The following GLT1D1 variants were observed in gnomAD, a reference collection of about 807,000 sequenced individuals.
The protein encoded by GLT1D1 is glycosyltransferase 1 domain containing 1, also known as glycosyltransferase 1 domain-containing protein 1.
A neutral mutation model predicts 28.7 loss-of-function variants in GLT1D1; 21 were observed. The ratio of observed to expected loss-of-function variants is 0.73; its 90% CI spans 0.52 to 1.05. GLT1D1 has a LOEUF of 1.05. Ranked by LOEUF, GLT1D1 falls within the 50% of genes least tolerant of loss-of-function variation. The pLI, the probability that GLT1D1 is intolerant of heterozygous loss-of-function variation, is 0.00. For missense variants in GLT1D1, 343 were observed against 330.6 expected (o/e 1.04, Z -0.29); for synonymous variants, 147 against 124.8 (o/e 1.18, Z -1.19).
intron 4 of GLT1D1, among the ~76,000 whole-genome samples, chr12:128,901,589 ACAACG>A (rs1365046931): frequency 6.6e-6 from 1 of 150,708 alleles, no homozygotes; most frequent in East Asian, 2.0e-4. Flanking sequence ...GGCGCCCACC[ACAACG>A]CCCTGCTAAT....
intron 7 of GLT1D1, among the ~76,000 whole-genome samples, chr12:128,975,533 C>T (rs912224825): frequency 6.6e-6 from 1 of 152,186 alleles, no homozygotes; most frequent in African/African-American, 2.4e-5. Flanking sequence ...TCACTGCAAC[C>T]TCCAGGTCCC....
At chr12:128,860,532 G>A (rs1956332501) in intron 1 of GLT1D1, among the ~76,000 whole-genome samples, 1 of 152,228 alleles carries the variant, frequency 6.6e-6, no homozygotes, top group Admixed American at 6.5e-5. Flanking sequence ...TGACCAAGAA[G>A]TCAGGGAGCC....
intron 2 of GLT1D1, among the ~76,000 whole-genome samples, chr12:128,879,403 T>TTTCC (rs1956961663): frequency 1.1e-5 from 1 of 90,394 alleles, no homozygotes; most frequent in Non-Finnish European, 2.1e-5. Context: ...TCTTTCTTTC[T>TTTCC]TTCTTTCTTT....
rs1454568201 is a variant in GLT1D1 at position 128,853,635 on chromosome 12, G to A, written c.54G>A (p.Thr18=). The change falls in exon 1 of 8, where the codon ACG becomes ACA. Residue 18 remains threonine, a synonymous_variant. Coordinates refer to ENST00000281703, the MANE Select transcript of GLT1D1 (RefSeq NM_144669.3). Reference sequence around the variant, plus strand: ...GGCCACACACCGGCAACGCGGTCACGGCCCAGCGCGTTCGGTAGGTGCAGG... The same window carrying A: ...GGCCACACACCGGCAACGCGGTCACAGCCCAGCGCGTTCGGTAGGTGCAGG... 2 of 1,168,968 alleles carry A rather than the reference G, an allele frequency of 1.7e-6. No individual in the cohort carries two copies. The highest frequency in any genetic ancestry group is 1.6e-5 in the African/African-American group (1 of 60,920). 72.4% of individuals were successfully genotyped at this position (1,168,968 alleles called of 1,614,324 possible).
chr12:128,912,077 T>G (rs1015322840), intron 4 of GLT1D1, among the ~76,000 whole-genome samples: 1 of 152,146 alleles, frequency 6.6e-6, no homozygotes, highest in African/African-American at 2.4e-5. Context: ...GGGAGCTGCA[T>G]CAGCTGGGCC....
At chr12:128,977,400 T>G in intron 7 of GLT1D1, among the ~76,000 whole-genome samples, 1 of 152,334 alleles carries the variant, frequency 6.6e-6, no homozygotes, top group East Asian at 1.9e-4. Context: ...GAGCCAGCGT[T>G]GGCACACCTG....
intron 7 of GLT1D1, among the ~76,000 whole-genome samples, chr12:128,959,170 G>A (rs576781196): frequency 1.1e-4 from 17 of 151,736 alleles, no homozygotes; most frequent in Admixed American, 2.6e-4. Context: ...TAGGTTTTAC[G>A]CCTAACCATC....
chr12:128,853,619 C>T lies in GLT1D1; in HGVS notation c.38C>T (p.Thr13Ile). 8.5e-7 allele frequency: 1 copy of T among 1,181,940 alleles called. No individual in the cohort carries two copies. The allele number at this position is 1,181,940 out of a possible 1,614,324, so 73.2% of individuals were successfully genotyped here. Residue 13 changes from threonine to isoleucine, a missense_variant, in exon 1 of 8, where the codon ACC (threonine) becomes ATC (isoleucine). Physicochemically the swap from Thr to Ile is moderately conservative, Grantham distance 89 (BLOSUM62 -1). Transcript: ENST00000281703. ...TTCCTGGCGGTGCTGCGGCCACACACCGGCAACGCGGTCACGGCCCAGCGC... is the reference window on the plus strand; with the variant it reads ...TTCCTGGCGGTGCTGCGGCCACACATCGGCAACGCGGTCACGGCCCAGCGC...
chr12:128,895,708 C>T (rs372575119), intron 3 of GLT1D1, among the ~76,000 whole-genome samples: 3 of 152,196 alleles, frequency 2.0e-5, no homozygotes. Flanking sequence ...ATCCTCCCCC[C>T]TCGGCCTCCC....
intron 1 of GLT1D1, among the ~76,000 whole-genome samples, chr12:128,855,830 G>A (rs1351163293): frequency 1.5e-5 from 2 of 136,890 alleles, no homozygotes; most frequent in Non-Finnish European, 3.0e-5. Flanking sequence ...TCAGCTCACT[G>A]CAACCTCTGC....
intron 4 of GLT1D1, among the ~76,000 whole-genome samples, chr12:128,942,685 G>A (rs1381603099): frequency 2.7e-5 from 4 of 150,862 alleles, no homozygotes; most frequent in Non-Finnish European, 4.4e-5. Flanking sequence ...CACATCAGCA[G>A]CCATCCTTGC....
intron 7 of GLT1D1, among the ~76,000 whole-genome samples, chr12:128,971,442 C>G (rs1879048616): frequency 1.7e-5 from 2 of 117,074 alleles, no homozygotes; most frequent in African/African-American, 5.8e-5. Context: ...TCCTCCCTCC[C>G]TTCCTCTCTC....
intron 6 of GLT1D1, among the ~76,000 whole-genome samples, chr12:128,948,581 T>C (rs539026279): frequency 6.6e-6 from 1 of 152,304 alleles, no homozygotes; most frequent in Non-Finnish European, 1.5e-5. Context: ...CTGAGGTCTT[T>C]GATCCAGGTT....
intron 7 of GLT1D1, among the ~76,000 whole-genome samples, chr12:128,972,550 G>GA (rs1372897998): frequency 2.6e-5 from 4 of 152,240 alleles, no homozygotes; most frequent in East Asian, 1.9e-4. Context: ...GTTCTGGGAG[G>GA]AAAAAAACAC....
chr12:128,896,708 T>G, intron 3 of GLT1D1, among the ~76,000 whole-genome samples: 1 of 151,370 alleles, frequency 6.6e-6, no homozygotes. Context: ...GCGTACCGAG[T>G]AGCTGGGATT....
intron 1 of GLT1D1, among the ~76,000 whole-genome samples, chr12:128,860,187 G>A (rs1043743157): frequency 7.2e-5 from 11 of 152,230 alleles, no homozygotes; most frequent in African/African-American, 4.8e-5. Context: ...TTAGGCTGGC[G>A]CGGTGGCTCA....
At chr12:128,888,888 T>A (rs1245936167) in intron 3 of GLT1D1, 144 bp downstream of exon 3, 1 of 598,512 alleles carries the variant, frequency 1.7e-6, no homozygotes, top group Non-Finnish European at 3.0e-6. Flanking sequence ...TTTTCTTTCA[T>A]TTGGTACATT....
rs1314894480 is a variant in GLT1D1 at position 128,983,289 on chromosome 12, C to T, written c.*199C>T. On this transcript the variant is annotated 3_prime_UTR_variant, in exon 8 of 8. Transcript: ENST00000281703. The surrounding 1 kb of genome is among the most constrained non-coding windows in gnomAD (Gnocchi z 4.7). Reference sequence around the variant, plus strand: ...CTGTGCGTTCAGATGCTGTCCCAGGCGTGTTCACCAGCCAGTCCTGATGGA... The same window carrying T: ...CTGTGCGTTCAGATGCTGTCCCAGGTGTGTTCACCAGCCAGTCCTGATGGA... 6 of 557,570 alleles carry T rather than the reference C, an allele frequency of 1.1e-5. No individual in the cohort carries two copies. Among genetic ancestry groups the T allele is most frequent in the Admixed American group, 3.1e-5 (1 of 32,734 alleles). The allele number at this position is 557,570 out of a possible 1,614,324, so 34.5% of individuals were successfully genotyped here.
chr12:128,962,071 G>A (rs1878018846), intron 7 of GLT1D1, among the ~76,000 whole-genome samples: 1 of 119,566 alleles, frequency 8.4e-6, no homozygotes, highest in South Asian at 2.7e-4. Flanking sequence ...CCCCATGTCT[G>A]TGCCCCGTCC....
Sources: gnomAD v4.1 joint callset for allele counts (sites outside exome capture counted in the v4.1 genomes callset) on GRCh38, gnomAD v4.1.1 for gene constraint, Gnocchi (gnomAD v3.1) non-coding constraint, MANE v1.5 for transcripts, NCBI Gene and HGNC (gene_info 2026-07-23, HGNC 2026-07-21) for gene names.